ASIC2: variants seen among roughly 807,000 people sequenced by gnomAD.
ASIC2 encodes acid sensing ion channel subunit 2, also known as acid-sensing ion channel 2.
Under a neutral mutation model 57.3 loss-of-function variants are expected in ASIC2, and 25 were observed. The observed-to-expected ratio is 0.44, with a 90% CI of 0.32 to 0.61. The LOEUF (loss-of-function observed/expected upper bound fraction) is 0.61, where lower values mean the gene tolerates loss of function less well. ASIC2 is among the 20% of genes least tolerant of loss of function. ASIC2 has a pLI of 0.06. For synonymous variants in ASIC2, 319 were observed against 307.5 expected, an observed-to-expected ratio of 1.04 and a Z score of -0.39; for missense variants, 641 against 738.1, an observed-to-expected ratio of 0.87 and a Z score of 1.52.
At chr17:33,863,460 T>C (rs190039839) in intron 1 of ASIC2, among the ~76,000 whole-genome samples, 255 of 152,274 alleles carry the variant, frequency 1.7e-3, no homozygotes, top group African/African-American at 6.0e-3. Context: ...AAAGCTAAGG[T>C]TGGGAATGAC....
chr17:33,270,192 C>T (rs930809110), intron 1 of ASIC2, among the ~76,000 whole-genome samples: 4 of 152,198 alleles, frequency 2.6e-5, no homozygotes, highest in African/African-American at 7.2e-5. Flanking sequence ...ACCTAGTAAA[C>T]CCCCAGGTTG....
intron 1 of ASIC2, among the ~76,000 whole-genome samples, chr17:33,798,778 C>G (rs1234870764): frequency 1.3e-5 from 2 of 152,120 alleles, no homozygotes; most frequent in Admixed American, 1.3e-4. Flanking sequence ...CTATCTAATG[C>G]AAATCAATGA....
At chr17:33,841,079 C>T (rs563123033) in intron 1 of ASIC2, among the ~76,000 whole-genome samples, 20 of 152,278 alleles carry the variant, frequency 1.3e-4, no homozygotes, top group Middle Eastern at 3.4e-3. Context: ...AACTGTGAGA[C>T]ACAATCCTTT....
chr17:33,332,771 G>C (rs775458451), intron 1 of ASIC2, among the ~76,000 whole-genome samples: 32 of 152,214 alleles, frequency 2.1e-4, no homozygotes, highest in Non-Finnish European at 3.8e-4. Flanking sequence ...CATGTCTGTA[G>C]TCCCAGCTAC....
chr17:33,791,695 T>A (rs1334765168), intron 1 of ASIC2: 1 of 152,058 alleles, frequency 6.6e-6, no homozygotes, highest in Non-Finnish European at 1.5e-5. Flanking sequence ...GTGGCTTTCA[T>A]GCAAATAATG....
intron 1 of ASIC2, among the ~76,000 whole-genome samples, chr17:33,757,954 A>G (rs947128407): frequency 2.0e-5 from 3 of 152,224 alleles, no homozygotes; most frequent in Admixed American, 6.5e-5. Context: ...GTAAGCAAAA[A>G]GAGAAATTAA....
chr17:34,028,810 C>A (rs1435064707), intron 1 of ASIC2, among the ~76,000 whole-genome samples: 1 of 152,158 alleles, frequency 6.6e-6, no homozygotes, highest in African/African-American at 2.4e-5. Context: ...TCATCAAATG[C>A]AGACAGCAAG....
intron 1 of ASIC2, among the ~76,000 whole-genome samples, chr17:33,842,672 T>C (rs1913474275): frequency 6.6e-6 from 1 of 152,178 alleles, no homozygotes; most frequent in Admixed American, 6.5e-5. Flanking sequence ...GTCCTGGTCA[T>C]ACAAACAGTG....
intron 1 of ASIC2, among the ~76,000 whole-genome samples, chr17:33,403,420 G>A (rs1466709173): frequency 6.6e-6 from 1 of 152,160 alleles, no homozygotes; most frequent in Non-Finnish European, 1.5e-5. Context: ...GCTGGGTTGA[G>A]CTTATCTTGC....
intron 1 of ASIC2, among the ~76,000 whole-genome samples, chr17:33,948,886 G>A (rs1904469452): frequency 6.6e-6 from 1 of 152,196 alleles, no homozygotes; most frequent in African/African-American, 2.4e-5. Context: ...CACTTCTTTT[G>A]TGAAGGGCCA....
chr17:33,554,739 C>A (rs7215028), intron 1 of ASIC2, among the ~76,000 whole-genome samples: 16,350 of 152,048 alleles, frequency 0.11, 2,335 homozygotes, highest in African/African-American at 0.33. Flanking sequence ...ACATACAGTC[C>A]TCACCACCAG....
intron 1 of ASIC2, among the ~76,000 whole-genome samples, chr17:33,763,771 G>A (rs1910853506): frequency 6.6e-6 from 1 of 152,156 alleles, no homozygotes; most frequent in Admixed American, 6.5e-5. Context: ...CCAACCTATG[G>A]TAGACATATG....
At chr17:34,090,255 C>A (rs928988895) in intron 1 of ASIC2, among the ~76,000 whole-genome samples, 9 of 152,166 alleles carry the variant, frequency 5.9e-5, no homozygotes, top group African/African-American at 2.2e-4. Flanking sequence ...CCAGGGACAG[C>A]CAAACATGTG....
chr17:34,024,182 T>C (rs975593561), intron 1 of ASIC2, among the ~76,000 whole-genome samples: 2 of 152,192 alleles, frequency 1.3e-5, no homozygotes, highest in Admixed American at 6.5e-5. Context: ...TCCAGCCAGA[T>C]TGGGCTGCTC....
rs73276672 is a variant in ASIC2 at position 33,973,700 on chromosome 17, C to T, written c.555+182278G>A. Among the ~76,000 whole-genome samples, 859 of 152,244 alleles carry T rather than the reference C, an allele frequency of 5.6e-3. 9 individuals carry two copies. The highest frequency in any genetic ancestry group is 0.02 in the African/African-American group (823 of 41,560). Reference sequence around the variant, plus strand: ...CCTGCTCACTCACCCCACCAGGCTGCCATGGGACATAAGCCACAGCCCATC... The same window carrying T: ...CCTGCTCACTCACCCCACCAGGCTGTCATGGGACATAAGCCACAGCCCATC... On this transcript the variant is annotated intron_variant, in intron 1 of 9. Coordinates refer to the ASIC2 transcript ENST00000359872.
At chr17:33,570,787 G>T (rs1286482487) in intron 1 of ASIC2, among the ~76,000 whole-genome samples, 1 of 152,220 alleles carries the variant, frequency 6.6e-6, no homozygotes, top group South Asian at 2.1e-4. Context: ...GACTGGAATG[G>T]CTGGGATGAC....
intron 1 of ASIC2, among the ~76,000 whole-genome samples, chr17:33,543,188 A>G (rs1388467537): frequency 1.3e-5 from 2 of 150,374 alleles, no homozygotes; most frequent in African/African-American, 2.5e-5. Flanking sequence ...CTAATGCTAG[A>G]TGACGAGTTA....
rs191201543 is a variant in ASIC2, at chr17:33,331,254, C to T, written c.556-219187G>A. Among the ~76,000 whole-genome samples the T allele has an allele frequency of 2.0e-5, 3 of 152,298 alleles. No individual in the cohort carries two copies. The East Asian group carries it at 5.8e-4, about 29-fold the overall frequency. On this transcript the variant is annotated intron_variant, in intron 1 of 9. Coordinates refer to the ASIC2 transcript ENST00000359872. ...CAGTTCATGGAAAAATTCTCTTCCA[C>T]AAAACTGGTCCCTGGTGCCAAAATG...
chr17:33,578,990 G>A (rs774732618), intron 1 of ASIC2, among the ~76,000 whole-genome samples: 1 of 152,076 alleles, frequency 6.6e-6, no homozygotes, highest in Non-Finnish European at 1.5e-5. Flanking sequence ...AGCGGTTATA[G>A]AATGCAGGTT....
Sources: allele counts gnomAD v4.1 joint callset (sites outside exome capture counted in the v4.1 genomes callset), GRCh38; gene constraint gnomAD v4.1.1; transcripts MANE v1.5; gene names NCBI Gene and HGNC (gene_info 2026-07-23, HGNC 2026-07-21).